ITGBL1: variants seen among roughly 807,000 people sequenced by gnomAD.
ITGBL1 encodes integrin beta-like protein 1.
A neutral mutation model predicts 68.5 loss-of-function variants in ITGBL1; 51 were observed. The ratio of observed to expected loss-of-function variants is 0.74; its 90% CI spans 0.59 to 0.94. ITGBL1 has a LOEUF of 0.94. Among genes scored for constraint, ITGBL1 ranks in the 40% least tolerant of loss-of-function variants. The probability of loss-of-function intolerance (pLI) is 0.00; values close to 1 mark genes in which losing one functional copy is unlikely to be tolerated. For missense variants in ITGBL1, 649 were observed against 647.4 expected (o/e 1.00, Z -0.03); for synonymous variants, 209 against 227.3 (o/e 0.92, Z 0.72).
intron 8 of ITGBL1, chr13:101,693,026 A>G: frequency 4.7e-6 from 1 of 211,678 alleles, no homozygotes; most frequent in Non-Finnish European, 9.5e-6. Context: ...ATTTATAAAC[A>G]CTGGTAGGAG....
intron 5 of ITGBL1, 36 bp downstream of exon 5, chr13:101,579,463 G>A: frequency 1.3e-6 from 2 of 1,597,622 alleles, no homozygotes; most frequent in South Asian, 2.2e-5. Context: ...ATAATGGGGA[G>A]GCAAACAAAG....
chr13:101,717,337 T>C (rs559129762), downstream of ITGBL1: 1 of 152,244 alleles, frequency 6.6e-6, no homozygotes, highest in African/African-American at 2.4e-5. Context: ...GATTAAGGAG[T>C]GCAACCATGT....
chr13:101,468,309 T>C (rs2048411460), intron 2 of ITGBL1, among the ~76,000 whole-genome samples: 1 of 152,222 alleles, frequency 6.6e-6, no homozygotes, highest in African/African-American at 2.4e-5. Flanking sequence ...CAGTTGCCTG[T>C]TTGGATAATT....
intron 7 of ITGBL1, among the ~76,000 whole-genome samples, chr13:101,656,748 A>C (rs2032936620): frequency 6.6e-6 from 1 of 152,184 alleles, no homozygotes; most frequent in Non-Finnish European, 1.5e-5. Flanking sequence ...CACCTTTATC[A>C]AACATGTCTT....
intron 8 of ITGBL1, among the ~76,000 whole-genome samples, chr13:101,698,846 G>C (rs2034066854): frequency 6.6e-6 from 1 of 152,018 alleles, no homozygotes; most frequent in African/African-American, 2.4e-5. Context: ...ATATACCTAG[G>C]GTGAGAATAA....
chr13:101,710,589 G>C (rs944445672), intron 9 of ITGBL1, among the ~76,000 whole-genome samples: 2 of 152,134 alleles, frequency 1.3e-5, no homozygotes, highest in Non-Finnish European at 2.9e-5. Context: ...TCATGGACTT[G>C]TCCAAATTTT....
At chr13:101,554,010 G>A (rs1373910313) in intron 2 of ITGBL1, among the ~76,000 whole-genome samples, 2 of 152,042 alleles carry the variant, frequency 1.3e-5, no homozygotes, top group Non-Finnish European at 2.9e-5. Context: ...CCAACCTCAG[G>A]TGATCCTCCT....
At chr13:101,456,355 A>G (rs1280090146) in intron 2 of ITGBL1, among the ~76,000 whole-genome samples, 1 of 152,152 alleles carries the variant, frequency 6.6e-6, no homozygotes, top group African/African-American at 2.4e-5. Flanking sequence ...TACAAGTAGC[A>G]CCTAGGGCTG....
chr13:101,708,070 T>G, intron 9 of ITGBL1, among the ~76,000 whole-genome samples: 1 of 124,466 alleles, frequency 8.0e-6, no homozygotes, highest in Admixed American at 7.6e-5. Context: ...CACACACACA[T>G]ACACACAAAT....
intron 6 of ITGBL1, 32 bp from the exon 7 acceptor site, chr13:101,598,120 AC>A: frequency 6.4e-7 from 1 of 1,566,930 alleles, no homozygotes; most frequent in Non-Finnish European, 8.6e-7. Flanking sequence ...ATCTTTATGT[AC>A]ATTTTTATTT....
chr13:101,537,079 G>A (rs2049590913), intron 2 of ITGBL1, among the ~76,000 whole-genome samples: 1 of 151,904 alleles, frequency 6.6e-6, no homozygotes, highest in Non-Finnish European at 1.5e-5. Flanking sequence ...TAAAACGTAT[G>A]TAAGCATATA....
chr13:101,549,662 G>A (rs1312608328), intron 2 of ITGBL1, among the ~76,000 whole-genome samples: 2 of 151,860 alleles, frequency 1.3e-5, no homozygotes, highest in African/African-American at 4.8e-5. Context: ...TAACAAAAAC[G>A]ATTTATAAAC....
intron 2 of ITGBL1, among the ~76,000 whole-genome samples, chr13:101,526,193 A>G (rs2049376023): frequency 6.8e-6 from 1 of 147,014 alleles, no homozygotes; most frequent in Non-Finnish European, 1.5e-5. Context: ...TCTGGGATAC[A>G]TATGCAGAAC....
intron 7 of ITGBL1, among the ~76,000 whole-genome samples, chr13:101,675,580 G>A (rs1456938231): frequency 6.4e-4 from 98 of 152,074 alleles, no homozygotes; most frequent in Non-Finnish European, 1.5e-5. Flanking sequence ...ACCAAGATTA[G>A]GGTCACCTTA....
intron 2 of ITGBL1, among the ~76,000 whole-genome samples, chr13:101,486,721 AT>A (rs2048707660): frequency 6.6e-6 from 1 of 152,204 alleles, no homozygotes; most frequent in Admixed American, 6.5e-5. Context: ...CATGTTTAGT[AT>A]TGTAAATAAT....
chr13:101,515,608 G>T (rs1448718853), intron 2 of ITGBL1, among the ~76,000 whole-genome samples: 1 of 152,030 alleles, frequency 6.6e-6, no homozygotes, highest in East Asian at 1.9e-4. Context: ...ATGGTAATTT[G>T]TTTGGTTTTG....
chr13:101,548,084 A>ACTAT (rs1555358116), intron 2 of ITGBL1, among the ~76,000 whole-genome samples: 2 of 5,802 alleles, frequency 3.4e-4, no homozygotes, highest in African/African-American at 4.1e-3. Context: ...ACAGATAAAC[A>ACTAT]TAAAACTTTT....
intron 7 of ITGBL1, among the ~76,000 whole-genome samples, chr13:101,661,009 A>G (rs892267265): frequency 3.3e-5 from 5 of 152,202 alleles, no homozygotes; most frequent in African/African-American, 2.4e-5. Context: ...TTGACATTCA[A>G]TTAAAGAAAT....
At chr13:101,460,458 G>A (rs886248357) in intron 2 of ITGBL1, among the ~76,000 whole-genome samples, 2 of 152,160 alleles carry the variant, frequency 1.3e-5, no homozygotes, top group African/African-American at 4.8e-5. Flanking sequence ...ATCTGTGTTC[G>A]ATAAATGCAT....
Sources: allele counts gnomAD v4.1 joint callset (sites outside exome capture counted in the v4.1 genomes callset), GRCh38; gene constraint gnomAD v4.1.1; transcripts MANE v1.5; gene names NCBI Gene and HGNC (gene_info 2026-07-23, HGNC 2026-07-21).